C2CD3: variants seen among roughly 807,000 people sequenced by gnomAD.
C2CD3 encodes the protein C2 domain-containing protein 3.
A neutral mutation model predicts 234.0 loss-of-function variants in C2CD3; 148 were observed. The ratio of observed to expected loss-of-function variants is 0.63; its 90% CI spans 0.55 to 0.72. The LOEUF (loss-of-function observed/expected upper bound fraction) is 0.72. Among genes scored for constraint, C2CD3 ranks in the 30% least tolerant of loss-of-function variants. The pLI is 0.00. For missense variants in C2CD3, 2,577 were observed against 2,811.5 expected, an observed-to-expected ratio of 0.92 and a Z score of 1.89; for synonymous variants, 1,000 against 1,035.4, an observed-to-expected ratio of 0.97 and a Z score of 0.66.
At position 74,098,191 on chromosome 11, in the gene C2CD3, TGTA is replaced by T; in HGVS notation, c.2794_2796del (p.Tyr932del). On this transcript the variant is annotated inframe_deletion, in exon 16 of 33. Transcript: ENST00000334126. ...CCTGAAAACACATCAATCACAGGCATGTAGCTGTCGACAGCAACAACTGGGTAC... is the reference window on the plus strand; with the variant it reads ...CCTGAAAACACATCAATCACAGGCATGCTGTCGACAGCAACAACTGGGTAC... 5.6e-6 allele frequency: 9 copies of T among 1,614,116 alleles called. No individual in the cohort carries two copies. Among genetic ancestry groups the T allele is most frequent in the Non-Finnish European group, 7.6e-6 (9 of 1,179,952 alleles).
rs571926824 is a variant in C2CD3 at position 74,078,915 on chromosome 11, T to C, written c.4001-198A>G. On this transcript the variant is annotated intron_variant, in intron 22 of 32. Coordinates refer to ENST00000334126, the MANE Select transcript of C2CD3 (RefSeq NM_001286577.2). Reference sequence around the variant, plus strand: ...GATGGGAAGAACAAAGGCTAGGAGTTGGAAGATCTGAGTTCTCTTTGGCTA... The same window carrying C: ...GATGGGAAGAACAAAGGCTAGGAGTCGGAAGATCTGAGTTCTCTTTGGCTA... Among the ~76,000 whole-genome samples, 75 of 152,320 alleles carry C rather than the reference T, an allele frequency of 4.9e-4. No homozygotes were observed. In the South Asian group the frequency reaches 7.5e-3, roughly 15 times the overall value.
At chr11:74,135,352 C>T (rs1274777278) in intron 5 of C2CD3, among the ~76,000 whole-genome samples, 1 of 151,860 alleles carries the variant, frequency 6.6e-6, no homozygotes. Context: ...ACTGGAGCCT[C>T]GACCTCCCAG....
chr11:74,085,075 G>T, intron 21 of C2CD3, 105 bp from the exon 22 acceptor site: 3 of 595,892 alleles, frequency 5.0e-6, no homozygotes, highest in Admixed American at 2.7e-5. Context: ...CTAAATCTTA[G>T]TTTTGTAAAA....
At chr11:74,081,995 T>C (rs183535183) in intron 22 of C2CD3, among the ~76,000 whole-genome samples, 1 of 152,350 alleles carries the variant, frequency 6.6e-6, no homozygotes, top group African/African-American at 2.4e-5. Context: ...TCTTGCCTGA[T>C]TGCCCTGGCC....
intron 7 of C2CD3, among the ~76,000 whole-genome samples, chr11:74,132,187 C>T (rs1447001602): frequency 6.6e-6 from 1 of 152,054 alleles, no homozygotes; most frequent in Non-Finnish European, 1.5e-5. Flanking sequence ...CCCGTCGCTA[C>T]TAAAAATACA....
In C2CD3 at chr11:74,119,632, C is replaced by T. The variant is rs145604568; in HGVS notation, c.1366-1250G>A. On this transcript the variant is annotated intron_variant, in intron 8 of 32. Coordinates refer to ENST00000334126, the MANE Select transcript of C2CD3 (RefSeq NM_001286577.2). ...TAAGAATGTCTTCTTGGAAGCAATA[C>T]AACTTTTTTTTTTTTTTTTTTGAGA... Among the ~76,000 whole-genome samples the T allele has an allele frequency of 5.7e-3, 857 of 149,050 alleles. 4 individuals are homozygous for T. The highest frequency in any genetic ancestry group is 0.021 in the Middle Eastern group (6 of 290).
chr11:74,148,742 A>G (rs1855390350), intron 3 of C2CD3, among the ~76,000 whole-genome samples: 1 of 152,044 alleles, frequency 6.6e-6, no homozygotes, highest in Non-Finnish European at 1.5e-5. Context: ...CACAGCAACA[A>G]TGTAAAGCCA....
intron 31 of C2CD3, among the ~76,000 whole-genome samples, chr11:74,031,352 C>A (rs1286017476): frequency 6.6e-6 from 1 of 152,232 alleles, no homozygotes; most frequent in Non-Finnish European, 1.5e-5. Context: ...ATCCCCTCAT[C>A]CCTGGACTCT....
intron 3 of C2CD3, 93 bp from the exon 4 acceptor site, chr11:74,139,921 T>G: frequency 4.5e-6 from 3 of 663,044 alleles, no homozygotes; most frequent in African/African-American, 2.7e-5. Context: ...ATGTCCCCCA[T>G]TCCCTACAGG....
intron 31 of C2CD3, 61 bp downstream of exon 31, chr11:74,033,290 T>A (rs560744650): frequency 7.0e-7 from 1 of 1,427,514 alleles, no homozygotes; most frequent in African/African-American, 1.4e-5. Flanking sequence ...TTGCTCACAC[T>A]CACACTAGGC....
At chr11:74,136,581 G>GA (rs1449125460) in intron 5 of C2CD3, among the ~76,000 whole-genome samples, 1 of 152,182 alleles carries the variant, frequency 6.6e-6, no homozygotes, top group African/African-American at 2.4e-5. Flanking sequence ...TTAAAATGGG[G>GA]ATAATGCCTA....
intron 32 of C2CD3, among the ~76,000 whole-genome samples, chr11:74,019,965 A>C (rs1952021344): frequency 6.6e-6 from 1 of 152,210 alleles, no homozygotes; most frequent in Non-Finnish European, 1.5e-5. Context: ...CTGGCTGAGT[A>C]CAAGTGAGAA....
rs376396558 is a variant in C2CD3 at position 74,096,238 on chromosome 11, ACAG to A, written c.2980-833_2980-831del. 2.1e-3 allele frequency among the ~76,000 whole-genome samples: 315 copies of A among 152,328 alleles called. 2 individuals are homozygous for A. Among genetic ancestry groups the A allele is most frequent in the Middle Eastern group, 0.02 (6 of 294 alleles). On this transcript the variant is annotated intron_variant, in intron 16 of 32. Transcript: ENST00000334126. The stretch of plus-strand genomic sequence containing the variant: ...TCAGTGTTCTTTATCCCTATTCTAT[ACAG>A]CAGATCTTAGAGAATGAATTATTCA...
At chr11:74,164,285 A>C in intron 2 of C2CD3, 2 of 954,582 alleles carry the variant, frequency 2.1e-6, no homozygotes, top group Non-Finnish European at 2.5e-6. Context: ...GTGTAGCCAT[A>C]ATTTTCTCAG....
intron 32 of C2CD3, among the ~76,000 whole-genome samples, chr11:74,018,175 G>A (rs74980108): frequency 0.054 from 7,831 of 145,756 alleles, 584 homozygotes; most frequent in African/African-American, 0.2. Flanking sequence ...AGATATGGCC[G>A]AGGTTCTGAC....
intron 29 of C2CD3, 149 bp from the exon 30 acceptor site, chr11:74,037,847 C>T: frequency 1.5e-6 from 1 of 651,786 alleles, no homozygotes. Context: ...CTCTCCAATC[C>T]ACCAACTCAT....
Position 74,048,209 on chromosome 11 carries a change from C to T in C2CD3, c.5491G>A (p.Gly1831Arg), listed in dbSNP as rs1632245. The T allele has an allele frequency of 9.3e-6, 15 of 1,612,942 alleles. No individual in the cohort carries two copies. The highest frequency in any genetic ancestry group is 1.3e-5 in the Non-Finnish European group (15 of 1,179,586). Residue 1831 changes from glycine (G) to arginine (R), a missense_variant, in exon 28 of 33, where the codon GGG becomes AGG. Physicochemically the swap from Gly to Arg is moderately radical, Grantham distance 125 (BLOSUM62 -2). Coordinates refer to ENST00000334126, the MANE Select transcript of C2CD3 (RefSeq NM_001286577.2). ...CATCATCAAGAATTCACTCACCTCC[C>T]AGGAGAGGAGAAATCAAGCTCCTTT... is the stretch of plus-strand genomic sequence containing the variant. ...SSKELDFSSP[G>R]RSDTTRSQAS...
chr11:74,121,603 C>A (rs1248789157), intron 8 of C2CD3, among the ~76,000 whole-genome samples: 3 of 117,790 alleles, frequency 2.5e-5, no homozygotes, highest in Non-Finnish European at 5.1e-5. Flanking sequence ...TGAGAGACTC[C>A]GTCTCAAAAA....
At position 74,092,555 on chromosome 11, in the gene C2CD3, G is replaced by T; in HGVS notation, c.3378C>A (p.Val1126=). ...YYYPNVRDQK[V]AKGTLPLSRI... Reference sequence around the variant, plus strand: ...TTGATAATGGCAAGGTTCCTTTGGCGACCTTCTGGTCTCTCACATTAGGAT... The same window carrying T: ...TTGATAATGGCAAGGTTCCTTTGGCTACCTTCTGGTCTCTCACATTAGGAT... Residue 1126 remains valine, a synonymous_variant, in exon 19 of 33, where the codon GTC becomes GTA. Transcript: ENST00000334126. 1 of 1,613,796 alleles carries T rather than the reference G, an allele frequency of 6.2e-7. No homozygotes were observed.
Sources: allele counts gnomAD v4.1 joint callset (sites outside exome capture counted in the v4.1 genomes callset), GRCh38; gene constraint gnomAD v4.1.1; transcripts MANE v1.5; gene names NCBI Gene and HGNC (gene_info 2026-07-23, HGNC 2026-07-21).